Variants in RNF138 observed in about 807,000 individuals in gnomAD.
RNF138 encodes the protein ring finger protein 138.
Under a neutral mutation model 31.0 loss-of-function variants are expected in RNF138, and 12 were observed. The observed-to-expected ratio is 0.39, with a 90% CI of 0.25 to 0.63. RNF138 has a LOEUF of 0.63. RNF138 is among the 20% of genes least tolerant of loss of function. The probability of loss-of-function intolerance (pLI) is 0.52; values close to 1 mark genes in which losing one functional copy is unlikely to be tolerated. For synonymous variants in RNF138, 105 were observed against 99.5 expected (o/e 1.06, Z -0.33); for missense variants, 192 against 300.1 (o/e 0.64, Z 2.66).
chr18:32,131,079 T>C lies in RNF138; in HGVS notation c.*1892T>C, dbSNP rs1321912210. The C allele has an allele frequency of 1.3e-5, 2 of 151,208 alleles. No individual in the cohort carries two copies. The highest frequency in any genetic ancestry group is 3.0e-5 in the Non-Finnish European group (2 of 67,672). The allele number at this position is 151,208 out of a possible 1,614,324, so 9.4% of individuals were successfully genotyped here. The stretch of plus-strand genomic sequence containing the variant: ...CCATTCTGGGATTTGCAAAGTTTAA[T>C]ACATCCAATATGTCAAGTTAAACCA... On this transcript the variant is annotated 3_prime_UTR_variant, in exon 8 of 8. Transcript: ENST00000261593.
At chr18:32,126,121 G>A (rs1456696493) in intron 6 of RNF138, among the ~76,000 whole-genome samples, 1 of 151,930 alleles carries the variant, frequency 6.6e-6, no homozygotes, top group Non-Finnish European at 1.5e-5. Context: ...ATGGCTGGGT[G>A]TGGTGGCACA....
rs1017869614 is a variant in RNF138 at position 32,130,349 on chromosome 18, A to G, written c.*1162A>G. ...ATATGGTGCTCATTTGTTATTCTCAAATATAATGTGTGACCGTGATATAGT... is the reference window on the plus strand; with the variant it reads ...ATATGGTGCTCATTTGTTATTCTCAGATATAATGTGTGACCGTGATATAGT... On this transcript the variant is annotated 3_prime_UTR_variant, in exon 8 of 8. Transcript: ENST00000261593. 5 of 152,390 alleles carry G rather than the reference A, an allele frequency of 3.3e-5. No homozygotes were observed. The highest frequency in any genetic ancestry group is 1.2e-4 in the African/African-American group (5 of 41,430). 9.4% of individuals were successfully genotyped at this position (152,390 alleles called of 1,614,324 possible).
chr18:32,098,484 T>G (rs2039854675), intron 2 of RNF138, among the ~76,000 whole-genome samples: 2 of 152,184 alleles, frequency 1.3e-5, no homozygotes, highest in African/African-American at 4.8e-5. Flanking sequence ...ATCTTGTTAC[T>G]TGAGTAGTTA....
chr18:32,112,682 A>T (rs2040151894), intron 3 of RNF138, among the ~76,000 whole-genome samples: 1 of 147,608 alleles, frequency 6.8e-6, no homozygotes. Flanking sequence ...AACGCTGTCT[A>T]AAAAAAAAGA....
chr18:32,106,479 T>C (rs1186610065), intron 2 of RNF138, among the ~76,000 whole-genome samples: 1 of 152,172 alleles, frequency 6.6e-6, no homozygotes, highest in Non-Finnish European at 1.5e-5. Flanking sequence ...TTCTCTTTCC[T>C]TAGTAGGTGA....
At chr18:32,122,653 G>A (rs545746371) in intron 4 of RNF138, among the ~76,000 whole-genome samples, 32 of 152,094 alleles carry the variant, frequency 2.1e-4, no homozygotes, top group African/African-American at 7.5e-4. Flanking sequence ...GCGAAACCCC[G>A]TCTCTACTAA....
Position 32,111,932 on chromosome 18 carries a change from T to G in RNF138, c.276+13T>G. ...CTGTGCAAAACAGGTAGAGTAAATGTGACATCTCTCTTCTTTGGAAGCCAA... is the reference window on the plus strand; with the variant it reads ...CTGTGCAAAACAGGTAGAGTAAATGGGACATCTCTCTTCTTTGGAAGCCAA... On this transcript the variant is annotated intron_variant, in intron 3 of 7. Coordinates refer to ENST00000261593, the MANE Select transcript of RNF138 (RefSeq NM_016271.5). 1 of 1,573,926 alleles carries G rather than the reference T, an allele frequency of 6.4e-7. No individual in the cohort carries two copies. Among genetic ancestry groups the G allele is most frequent in the South Asian group, 1.2e-5 (1 of 84,798 alleles).
At chr18:32,097,819 G>A (rs779521743) in intron 2 of RNF138, among the ~76,000 whole-genome samples, 2 of 151,562 alleles carry the variant, frequency 1.3e-5, no homozygotes, top group African/African-American at 2.4e-5. Flanking sequence ...CACTATCCTC[G>A]GCCTAATTAA....
At chr18:32,114,046 C>T (rs962656335) in intron 4 of RNF138, 186 bp downstream of exon 4, 3 of 391,992 alleles carry the variant, frequency 7.7e-6, no homozygotes, top group African/African-American at 6.2e-5. Context: ...CGTAAGCTCT[C>T]ATCTGGGAGA....
Position 32,092,722 on chromosome 18 carries a change from C to A in RNF138, c.-55C>A. On this transcript the variant is annotated 5_prime_UTR_variant, in exon 2 of 8. Coordinates refer to ENST00000261593, the MANE Select transcript of RNF138 (RefSeq NM_016271.5). ...TAGGGAGTCGGGCCCCGGGCCGCCA[C>A]CGTCACCTCGGCCGCTGCCGCTGTC... The A allele has an allele frequency of 8.5e-7, 1 of 1,180,882 alleles. No individual in the cohort carries two copies. The highest frequency in any genetic ancestry group is 1.2e-6 in the Non-Finnish European group (1 of 823,320). The allele number at this position is 1,180,882 out of a possible 1,614,324, so 73.2% of individuals were successfully genotyped here.
rs1035091588 is a variant in RNF138 at position 32,130,097 on chromosome 18, T to A, written c.*910T>A. ...ATGTATATATACATATACTTTTGTG[T>A]GTATATATACACATATGTGTGTATG... On this transcript the variant is annotated 3_prime_UTR_variant, in exon 8 of 8. Transcript: ENST00000261593. The A allele has an allele frequency of 6.6e-5, 10 of 152,448 alleles. No individual in the cohort carries two copies. The highest frequency in any genetic ancestry group is 2.2e-4 in the African/African-American group (9 of 41,444). The allele number at this position is 152,448 out of a possible 1,614,324, so 9.4% of individuals were successfully genotyped here. A position where few individuals can be genotyped will look rare whatever the true frequency, so the allele number is the denominator to read the frequency against.
intron 7 of RNF138, among the ~76,000 whole-genome samples, chr18:32,128,568 TAAATGCTTGTTTTCTTA>T (rs1334743121): frequency 2.6e-5 from 4 of 152,354 alleles, no homozygotes; most frequent in Middle Eastern, 3.4e-3. Context: ...CATAATTCAA[TAAATGCTTGTTTTCTTA>T]AAATCAGTTT....
chr18:32,100,468 CTTTTTTTTTTT>C (rs754111567), intron 2 of RNF138, among the ~76,000 whole-genome samples: 6 of 69,872 alleles, frequency 8.6e-5, no homozygotes, highest in East Asian at 5.0e-4. Flanking sequence ...ACCCAACTAA[CTTTTTTTTTTT>C]TTTTTTTTTT....
At chr18:32,123,614 T>A (rs776102578) in intron 5 of RNF138, 40 bp downstream of exon 5, 1 of 1,317,134 alleles carries the variant, frequency 7.6e-7, no homozygotes, top group South Asian at 1.3e-5. Flanking sequence ...GCAAGTAATA[T>A]TATATTTATC....
chr18:32,101,385 A>C (rs190802036), intron 2 of RNF138, among the ~76,000 whole-genome samples: 1 of 151,204 alleles, frequency 6.6e-6, no homozygotes, highest in Non-Finnish European at 1.5e-5. Flanking sequence ...CTCCTGGCTA[A>C]TTTTTGTGTA....
In RNF138 at chr18:32,129,701, T is replaced by TAAGAA. The variant is rs2040442611; in HGVS notation, c.*517_*521dup. The TAAGAA allele has an allele frequency of 2.0e-5, 3 of 152,734 alleles. 1 individual carries two copies. In the South Asian group the frequency reaches 6.2e-4, roughly 32 times the overall value. The allele number at this position is 152,734 out of a possible 1,614,324, so 9.5% of individuals were successfully genotyped here. A position where few individuals can be genotyped will look rare whatever the true frequency, so the allele number is the denominator to read the frequency against. On this transcript the variant is annotated 3_prime_UTR_variant, in exon 8 of 8. Transcript: ENST00000261593. The stretch of plus-strand genomic sequence containing the variant: ...AGGTTCTAGCTGAAAAATTCAACTA[T>TAAGAA]AAGAAAATTGTATTTATATAACATT...
intron 6 of RNF138, among the ~76,000 whole-genome samples, chr18:32,126,103 G>A (rs528992303): frequency 6.6e-6 from 1 of 151,888 alleles, no homozygotes; most frequent in Non-Finnish European, 1.5e-5. Flanking sequence ...TCATTTAAAC[G>A]TAAGGATATG....
At chr18:32,128,762 T>G (rs1003719629) in intron 7 of RNF138, among the ~76,000 whole-genome samples, 3 of 152,174 alleles carry the variant, frequency 2.0e-5, no homozygotes, top group Non-Finnish European at 4.4e-5. Flanking sequence ...GTCTTCTGCC[T>G]CAGCCTCCTG....
At chr18:32,092,921 G>A in intron 2 of RNF138, 35 bp downstream of exon 2, 8 of 1,325,766 alleles carry the variant, frequency 6.0e-6, no homozygotes, top group Non-Finnish European at 7.2e-6. Flanking sequence ...GCGGAGCCGG[G>A]TTGTCGCTTA....
Sources: gnomAD v4.1 joint callset for allele counts (sites outside exome capture counted in the v4.1 genomes callset) on GRCh38, gnomAD v4.1.1 for gene constraint, MANE v1.5 for transcripts, NCBI Gene and HGNC (gene_info 2026-07-23, HGNC 2026-07-21) for gene names.